The following FRMD6 variants were observed in gnomAD, a reference collection of about 807,000 sequenced individuals.
The protein encoded by FRMD6 is FERM domain-containing protein 6.
In FRMD6, 37 loss-of-function variants were observed where a neutral mutation model predicts 73.2. The observed-to-expected ratio is 0.51, with a 90% CI of 0.39 to 0.66. FRMD6 has a LOEUF of 0.66. Ranked by LOEUF, FRMD6 falls within the 30% of genes least tolerant of loss-of-function variation. The pLI is 0.00. For missense variants in FRMD6, 714 were observed against 780.5 expected (o/e 0.91, Z 1.02); for synonymous variants, 273 against 282.2 (o/e 0.97, Z 0.33).
At chr14:51,577,577 G>A (rs935087683) in intron 2 of FRMD6, among the ~76,000 whole-genome samples, 4 of 152,142 alleles carry the variant, frequency 2.6e-5, no homozygotes, top group African/African-American at 9.7e-5. Flanking sequence ...TTTGATAATT[G>A]CTATAGATCT....
rs760778954 is a variant in FRMD6, at chr14:51,720,096, G to C, written c.1066G>C (p.Asp356His). 1.2e-6 allele frequency: 2 copies of C among 1,613,664 alleles called. No homozygotes were observed. The highest frequency in any genetic ancestry group is 1.7e-6 in the Non-Finnish European group (2 of 1,179,976). Residue 356 changes from aspartate (D) to histidine (H), a missense_variant, in exon 11 of 14, where the codon GAC (aspartate) becomes CAC (histidine). Asp to His is a moderately conservative substitution (Grantham distance 81). Coordinates refer to ENST00000344768, the MANE Select transcript of FRMD6 (RefSeq NM_001267046.2). ...GGAATCTTACATCAGTGACAACCTG[G>C]ACCTCGACATGGACCAGCTGGAAAA... ...YRESYISDNL[D>H]LDMDQLEKRS...
In FRMD6 at chr14:51,712,668, T is replaced by C. The variant is rs1897008798; in HGVS notation, c.849+117T>C. 3 of 687,668 alleles carry C rather than the reference T, an allele frequency of 4.4e-6. No individual in the cohort carries two copies. The South Asian group carries it at 5.5e-5, about 13-fold the overall frequency. 42.6% of individuals were successfully genotyped at this position (687,668 alleles called of 1,614,324 possible). A position where few individuals can be genotyped will look rare whatever the true frequency, so the allele number is the denominator to read the frequency against. On this transcript the variant is annotated intron_variant, in intron 9 of 13. Transcript: ENST00000344768. ...ATTGTCTCAGGCACAAAAGCTGTTA[T>C]TTTTAAGAAGTTGACACTGAAGATA... is the stretch of plus-strand genomic sequence containing the variant.
chr14:51,663,032 TGATAC>T (rs1183889934), intron 1 of FRMD6, among the ~76,000 whole-genome samples: 31 of 152,114 alleles, frequency 2.0e-4, no homozygotes, highest in African/African-American at 7.5e-4. Context: ...AGCTTGTCAT[TGATAC>T]TGGAGAAAGC....
the FRMD6 span, among the ~76,000 whole-genome samples, chr14:51,462,858 T>A: frequency 2.6e-5 from 4 of 151,894 alleles, no homozygotes; most frequent in Non-Finnish European, 4.4e-5. Context: ...AGAAATGAAC[T>A]AAAAACCCAG....
At chr14:51,606,228 C>T (rs984330183) in intron 2 of FRMD6, among the ~76,000 whole-genome samples, 1 of 151,870 alleles carries the variant, frequency 6.6e-6, no homozygotes, top group Non-Finnish European at 1.5e-5. Context: ...CACAAATATC[C>T]TCAAACTCAC....
In FRMD6 at chr14:51,493,528, T is replaced by C. The variant is rs1883131655; in HGVS notation, c.-210+4108T>C. On this transcript the variant is annotated intron_variant, in intron 1 of 14. Transcript: ENST00000356218. ...TCCCTGCTGCCATGTCAGATGTGAT[T>C]TTGCTCTTCCTTTGCCTTCCACCAT... Among the ~76,000 whole-genome samples, 3 of 152,124 alleles carry C rather than the reference T, an allele frequency of 2.0e-5. No individual in the cohort carries two copies. The South Asian group carries it at 6.2e-4, about 32-fold the overall frequency.
chr14:51,440,884 G>C, the FRMD6 span, among the ~76,000 whole-genome samples: 1 of 152,198 alleles, frequency 6.6e-6, no homozygotes, highest in African/African-American at 2.4e-5. Context: ...GCTAAGAAAA[G>C]TTAAGAGATT....
At chr14:51,585,960 TAA>T (rs1889027683) in intron 2 of FRMD6, among the ~76,000 whole-genome samples, 1 of 91,292 alleles carries the variant, frequency 1.1e-5, no homozygotes, top group African/African-American at 3.6e-5. Flanking sequence ...TATATATATA[TAA>T]CATTTTCTTT....
At chr14:51,413,115 CGAGTAGCAG>C in the FRMD6 span, among the ~76,000 whole-genome samples, 5 of 151,468 alleles carry the variant, frequency 3.3e-5, no homozygotes, top group Admixed American at 3.3e-4. Context: ...CTCAGCCTCC[CGAGTAGCAG>C]GGACTACAGG....
intron 1 of FRMD6, among the ~76,000 whole-genome samples, chr14:51,532,246 G>A (rs1200328814): frequency 1.3e-5 from 2 of 151,758 alleles, no homozygotes; most frequent in African/African-American, 4.8e-5. Context: ...GCGGGCACCT[G>A]TAGTCCCAGC....
the FRMD6 span, among the ~76,000 whole-genome samples, chr14:51,399,945 T>A: frequency 1.4e-4 from 21 of 151,826 alleles, 1 homozygote; most frequent in East Asian, 2.9e-3. Context: ...TTTTTTTTTT[T>A]AGTTAGCAAA....
chr14:51,505,278 C>T (rs1883889828), intron 1 of FRMD6, among the ~76,000 whole-genome samples: 1 of 152,008 alleles, frequency 6.6e-6, no homozygotes, highest in African/African-American at 2.4e-5. Flanking sequence ...CTTATGTTGC[C>T]TAGGTTGGTC....
Position 51,729,494 on chromosome 14 carries a change from C to T in FRMD6, c.*1465C>T, listed in dbSNP as rs1594797147. The T allele has an allele frequency of 6.6e-6, 1 of 152,666 alleles. No individual in the cohort carries two copies. Among genetic ancestry groups the T allele is most frequent in the Non-Finnish European group, 1.5e-5 (1 of 68,028 alleles). 9.5% of individuals were successfully genotyped at this position (152,666 alleles called of 1,614,324 possible). On this transcript the variant is annotated 3_prime_UTR_variant, in exon 14 of 14. Transcript: ENST00000344768. ...CACTTCAGGAGAGAACTTCATAGCACAATGTCTTTCTATAAGATATTTTTA... is the reference window on the plus strand; with the variant it reads ...CACTTCAGGAGAGAACTTCATAGCATAATGTCTTTCTATAAGATATTTTTA...
Position 51,503,693 on chromosome 14 carries a change from T to C in FRMD6, c.-210+14273T>C, listed in dbSNP as rs562173427. ...GCTGAAGTTTTTTGTTTTTTTTTTTTGTATCTCTGCTGGGTTTTATTATCA... is the reference window on the plus strand; with the variant it reads ...GCTGAAGTTTTTTGTTTTTTTTTTTCGTATCTCTGCTGGGTTTTATTATCA... On this transcript the variant is annotated intron_variant, in intron 1 of 14. Transcript: ENST00000356218. Among the ~76,000 whole-genome samples, 498 of 133,476 alleles carry C rather than the reference T, an allele frequency of 3.7e-3. 4 individuals carry two copies. Among genetic ancestry groups the C allele is most frequent in the African/African-American group, 0.012 (409 of 35,148 alleles). 87.6% of individuals were successfully genotyped at this position (133,476 alleles called of 152,430 possible). A position where few individuals can be genotyped will look rare whatever the true frequency, so the allele number is the denominator to read the frequency against.
intron 2 of FRMD6, among the ~76,000 whole-genome samples, chr14:51,571,183 GAAC>G (rs1888116276): frequency 6.6e-6 from 1 of 152,160 alleles, no homozygotes; most frequent in African/African-American, 2.4e-5. Context: ...GGACTAGCCT[GAAC>G]AACATCGTGA....
intron 1 of FRMD6, among the ~76,000 whole-genome samples, chr14:51,505,702 A>G (rs929466283): frequency 6.6e-6 from 1 of 152,096 alleles, no homozygotes; most frequent in Non-Finnish European, 1.5e-5. Flanking sequence ...ACCTAAATGC[A>G]TCCTTTCTTC....
At chr14:51,688,329 T>A (rs915312892) in intron 1 of FRMD6, among the ~76,000 whole-genome samples, 15 of 152,184 alleles carry the variant, frequency 9.9e-5, no homozygotes, top group Non-Finnish European at 2.9e-5. Context: ...AATAATGAAG[T>A]ACCGTATATA....
At chr14:51,597,208 T>C (rs1256869871) in intron 2 of FRMD6, among the ~76,000 whole-genome samples, 2 of 152,156 alleles carry the variant, frequency 1.3e-5, no homozygotes, top group South Asian at 2.1e-4. Context: ...CATTCTACCA[T>C]AGAGAGCTTA....
chr14:51,405,112 T>C, the FRMD6 span, among the ~76,000 whole-genome samples: 4 of 152,340 alleles, frequency 2.6e-5, no homozygotes, highest in South Asian at 8.3e-4. Flanking sequence ...GATCTCACTC[T>C]TTTTTATGGT....
Sources: allele counts gnomAD v4.1 joint callset (sites outside exome capture counted in the v4.1 genomes callset), GRCh38; gene constraint gnomAD v4.1.1; transcripts MANE v1.5; gene names NCBI Gene and HGNC (gene_info 2026-07-23, HGNC 2026-07-21).